Variants in HERC1 observed in about 807,000 individuals in gnomAD.
HERC1 encodes the protein probable E3 ubiquitin-protein ligase HERC1.
A neutral mutation model predicts 554.3 loss-of-function variants in HERC1; 160 were observed. The ratio of observed to expected loss-of-function variants is 0.29; its 90% CI spans 0.25 to 0.33. The LOEUF (loss-of-function observed/expected upper bound fraction) is 0.33. Among genes scored for constraint, HERC1 ranks in the 10% least tolerant of loss-of-function variants. The pLI, the probability that HERC1 is intolerant of heterozygous loss-of-function variation, is 1.00. For synonymous variants in HERC1, 2,175 were observed against 2,131.7 expected, an observed-to-expected ratio of 1.02 and a Z score of -0.56; for missense variants, 4,919 against 5,918.5, an observed-to-expected ratio of 0.83 and a Z score of 5.54.
chr15:63,702,549 G>A (rs541473873), intron 25 of HERC1, among the ~76,000 whole-genome samples: 123 of 152,206 alleles, frequency 8.1e-4, no homozygotes, highest in African/African-American at 2.8e-3. Context: ...CTGCAAAAAC[G>A]TATTGTCTTT....
chr15:63,658,894 C>T (rs1222880457), intron 47 of HERC1, among the ~76,000 whole-genome samples, 176 bp from the exon 48 acceptor site: 4 of 152,152 alleles, frequency 2.6e-5, no homozygotes. Flanking sequence ...TAAGTTTGAA[C>T]TTGGATATTT....
intron 64 of HERC1, among the ~76,000 whole-genome samples, chr15:63,636,380 C>T (rs1595867532): frequency 6.6e-6 from 1 of 151,282 alleles, no homozygotes; most frequent in African/African-American, 2.4e-5. Context: ...AAGTGATTCT[C>T]TTGCCTCAGC....
intron 12 of HERC1, among the ~76,000 whole-genome samples, chr15:63,739,810 C>T (rs977769942): frequency 6.6e-6 from 1 of 152,172 alleles, no homozygotes; most frequent in Non-Finnish European, 1.5e-5. Context: ...TGCACTCCAG[C>T]TTGGGCGACA....
intron 12 of HERC1, among the ~76,000 whole-genome samples, chr15:63,739,915 A>ATTTTT (rs1160140622): frequency 2.7e-5 from 4 of 147,294 alleles, no homozygotes; most frequent in African/African-American, 1.0e-4. Context: ...AGCATATTTT[A>ATTTTT]TTTTTTTTTT....
At chr15:63,776,843 T>G (rs532911030) in intron 1 of HERC1, among the ~76,000 whole-genome samples, 1 of 152,152 alleles carries the variant, frequency 6.6e-6, no homozygotes, top group African/African-American at 2.4e-5. Context: ...AAAGTGCACT[T>G]GAGATTTTTA....
At chr15:63,752,706 A>C in intron 8 of HERC1, 1 of 328,738 alleles carries the variant, frequency 3.0e-6, no homozygotes, top group Non-Finnish European at 5.6e-6. Context: ...CTAAATGCTA[A>C]AACATTTTAG....
chr15:63,614,802 A>C (rs966461373), intron 76 of HERC1, among the ~76,000 whole-genome samples: 2 of 152,264 alleles, frequency 1.3e-5, no homozygotes, highest in Admixed American at 1.3e-4. Context: ...CTGTCAGCAC[A>C]GAACAAGGAT....
rs140556028 is a variant in HERC1 at position 63,652,582 on chromosome 15, A to C, written c.10291-41T>G. The stretch of plus-strand genomic sequence containing the variant: ...CAGGTAGTCTAATAATTTTCTATTC[A>C]AATGATTTTATTATTTGAAAAAGTT... On this transcript the variant is annotated intron_variant, in intron 51 of 77. Transcript: ENST00000443617. 302 of 1,453,604 alleles carry C rather than the reference A, an allele frequency of 2.1e-4. 1 individual carries two copies. The East Asian group carries it at 6.8e-3, about 33-fold the overall frequency. 90.0% of individuals were successfully genotyped at this position (1,453,604 alleles called of 1,614,324 possible).
intron 1 of HERC1, among the ~76,000 whole-genome samples, chr15:63,812,488 T>A (rs1368064447): frequency 6.6e-6 from 1 of 152,178 alleles, no homozygotes; most frequent in Non-Finnish European, 1.5e-5. Flanking sequence ...CACACTGAAG[T>A]CACACTATAA....
At position 63,622,382 on chromosome 15, in the gene HERC1, C is replaced by T. The variant is rs145774235; in HGVS notation, c.13688+433G>A. Among the ~76,000 whole-genome samples, 932 of 135,794 alleles carry T rather than the reference C, an allele frequency of 6.9e-3. 12 individuals carry two copies. Among genetic ancestry groups the T allele is most frequent in the Non-Finnish European group, 0.01 (668 of 65,494 alleles). The allele number at this position is 135,794 out of a possible 152,430, so 89.1% of individuals were successfully genotyped here. A position where few individuals can be genotyped will look rare whatever the true frequency, so the allele number is the denominator to read the frequency against. ...TCGCTCTGTTGCCCAGGCTGGAGTA[C>T]AGTGGCCTGATCTCGGCTCACTGCA... On this transcript the variant is annotated intron_variant, in intron 74 of 77. Coordinates refer to ENST00000443617, the MANE Select transcript of HERC1 (RefSeq NM_003922.4).
At chr15:63,691,432 C>T (rs997998678) in intron 31 of HERC1, among the ~76,000 whole-genome samples, 2 of 151,694 alleles carry the variant, frequency 1.3e-5, no homozygotes, top group Admixed American at 1.3e-4. Context: ...CACCACTGCA[C>T]TCCAGCCTGG....
intron 1 of HERC1, among the ~76,000 whole-genome samples, chr15:63,818,502 C>T (rs957101069): frequency 2.6e-5 from 4 of 152,114 alleles, no homozygotes; most frequent in African/African-American, 4.8e-5. Flanking sequence ...ATCTTAAATA[C>T]GAATATAAAA....
At position 63,758,073 on chromosome 15, in the gene HERC1, T is replaced by C. The variant is rs1337404844; in HGVS notation, c.1221+102A>G. On this transcript the variant is annotated intron_variant, in intron 4 of 77. Transcript: ENST00000443617. The surrounding 1 kb of genome is among the most constrained non-coding windows in gnomAD (Gnocchi z 4.0). ...TATATAGACCAGAAATAACCATCGATAATTTTCACTCATTTAAAAAATACT... is the reference window on the plus strand; with the variant it reads ...TATATAGACCAGAAATAACCATCGACAATTTTCACTCATTTAAAAAATACT... 2.4e-6 allele frequency: 2 copies of C among 832,886 alleles called. No individual in the cohort carries two copies. The allele number at this position is 832,886 out of a possible 1,614,324, so 51.6% of individuals were successfully genotyped here. A position where few individuals can be genotyped will look rare whatever the true frequency, so the allele number is the denominator to read the frequency against.
intron 70 of HERC1, among the ~76,000 whole-genome samples, chr15:63,627,682 A>C (rs963481739): frequency 3.3e-5 from 5 of 151,960 alleles, no homozygotes; most frequent in Non-Finnish European, 7.4e-5. Flanking sequence ...TCGAAAAAAA[A>C]AAAAAAAAGG....
chr15:63,743,263 C>CTTTTTTTTTTTTTTTTTTTTTTTTTCT (rs71131177), intron 12 of HERC1, among the ~76,000 whole-genome samples: 1 of 109,182 alleles, frequency 9.2e-6, no homozygotes, highest in Non-Finnish European at 1.8e-5. Flanking sequence ...TTTTCTTTTT[C>CTTTTTTTTTTTTTTTTTTTTTTTTTCT]TTTTTTTTTT....
chr15:63,616,817 T>C, intron 74 of HERC1, 135 bp from the exon 75 acceptor site: 2 of 772,606 alleles, frequency 2.6e-6, no homozygotes, highest in Non-Finnish European at 4.1e-6. Context: ...AAGGCTAAAG[T>C]AATTAAATAA....
intron 14 of HERC1, among the ~76,000 whole-genome samples, chr15:63,730,097 C>T (rs2074223867): frequency 6.7e-6 from 1 of 149,088 alleles, no homozygotes; most frequent in Non-Finnish European, 1.5e-5. Flanking sequence ...TGCTATAACC[C>T]TTATGATACT....
At position 63,672,511 on chromosome 15, in the gene HERC1, G is replaced by C. The variant is rs2070987297; in HGVS notation, c.8030C>G (p.Pro2677Arg). The stretch of plus-strand genomic sequence containing the variant: ...ACTTCTCTACCTGAGAAGACTAAGA[G>C]GCATCACTCCCGGGGACTCGGATGC... ...VPASESPGVM[P>R]LSLLRQMFSS... is the part of the protein sequence containing the mutation. Residue 2677 changes from proline to arginine, a missense_variant, in exon 39 of 78, where the codon CCT becomes CGT. Around this residue, in one of 11 missense-constraint regions of HERC1, gnomAD observed 1,963 missense variants for 2,228.6 expected, o/e 0.88. Transcript: ENST00000443617. 1 of 1,595,802 alleles carries C rather than the reference G, an allele frequency of 6.3e-7. No homozygotes were observed. The highest frequency in any genetic ancestry group is 1.8e-5 in the Admixed American group (1 of 56,970).
intron 1 of HERC1, among the ~76,000 whole-genome samples, chr15:63,814,830 T>C (rs538436252): frequency 1.3e-5 from 2 of 152,250 alleles, no homozygotes; most frequent in African/African-American, 4.8e-5. Context: ...GTGGAAAATA[T>C]GAAACCTACC....
Sources: gnomAD v4.1 joint callset for allele counts (sites outside exome capture counted in the v4.1 genomes callset) on GRCh38, gnomAD v4.1.1 for gene constraint, gnomAD v4.1.1 regional missense constraint, Gnocchi (gnomAD v3.1) non-coding constraint, MANE v1.5 for transcripts, NCBI Gene and HGNC (gene_info 2026-07-23, HGNC 2026-07-21) for gene names.